SPAG16: variants seen among roughly 807,000 people sequenced by gnomAD.
SPAG16 encodes the protein sperm associated antigen 16, also known as sperm-associated antigen 16 protein.
Under a neutral mutation model 80.4 loss-of-function variants are expected in SPAG16, and 86 were observed. The observed-to-expected ratio is 1.07, with a 90% CI of 0.90 to 1.28. SPAG16 has a LOEUF of 1.28. Among genes scored for constraint, SPAG16 ranks in the 50% most tolerant of loss-of-function variants. SPAG16 has a pLI of 0.00. For missense variants in SPAG16, 870 were observed against 765.3 expected (o/e 1.14, Z -1.61); for synonymous variants, 294 against 265.9 (o/e 1.11, Z -1.03).
intron 12 of SPAG16, among the ~76,000 whole-genome samples, chr2:213,940,474 T>C (rs191279359): frequency 6.6e-6 from 1 of 152,136 alleles, no homozygotes; most frequent in East Asian, 1.9e-4. Context: ...ATTTTTATTT[T>C]TTAGGAATAG....
At chr2:214,354,980 AT>A (rs557706849) in intron 15 of SPAG16, among the ~76,000 whole-genome samples, 83 of 152,224 alleles carry the variant, frequency 5.5e-4, no homozygotes, top group African/African-American at 1.8e-3. Flanking sequence ...TCCTAATTGA[AT>A]ACCCTTTATT....
chr2:213,808,397 G>A (rs2071906282), intron 10 of SPAG16, among the ~76,000 whole-genome samples: 2 of 152,084 alleles, frequency 1.3e-5, no homozygotes, highest in African/African-American at 2.4e-5. Flanking sequence ...CCTTAAAGAG[G>A]AAAGAATGGT....
chr2:213,403,113 C>T (rs1483715930), intron 9 of SPAG16, among the ~76,000 whole-genome samples: 14 of 152,016 alleles, frequency 9.2e-5, no homozygotes, highest in East Asian at 3.9e-4. Context: ...TTTTAATGAT[C>T]GCCATTCTAA....
chr2:213,801,217 G>A (rs1428317303), intron 10 of SPAG16, among the ~76,000 whole-genome samples: 1 of 152,200 alleles, frequency 6.6e-6, no homozygotes, highest in Non-Finnish European at 1.5e-5. Flanking sequence ...AAGGAGCTTT[G>A]CGTGTGTGTG....
intron 7 of SPAG16, among the ~76,000 whole-genome samples, chr2:213,351,435 T>C (rs77996664): frequency 0.039 from 5,952 of 152,212 alleles, 382 homozygotes; most frequent in African/African-American, 0.13. Context: ...GACTCAAGTT[T>C]TTGGTTATTT....
intron 12 of SPAG16, among the ~76,000 whole-genome samples, chr2:213,941,019 G>A (rs895505902): frequency 6.6e-6 from 1 of 151,996 alleles, no homozygotes; most frequent in African/African-American, 2.4e-5. Context: ...GAAAATGATT[G>A]TTCACCTTCT....
intron 10 of SPAG16, among the ~76,000 whole-genome samples, chr2:213,694,173 A>G (rs1200632729): frequency 1.3e-5 from 2 of 152,320 alleles, no homozygotes; most frequent in Admixed American, 6.5e-5. Context: ...GAGGTAAGAG[A>G]AGGAGGAGGG....
intron 10 of SPAG16, among the ~76,000 whole-genome samples, chr2:213,853,473 A>G (rs1404134888): frequency 6.6e-6 from 1 of 152,176 alleles, no homozygotes; most frequent in African/African-American, 2.4e-5. Context: ...CCAGAACATA[A>G]TATTTTATGT....
At chr2:213,902,198 A>G (rs2077246719) in intron 11 of SPAG16, among the ~76,000 whole-genome samples, 1 of 152,234 alleles carries the variant, frequency 6.6e-6, no homozygotes, top group Non-Finnish European at 1.5e-5. Context: ...TGGATATACC[A>G]AAGAATAAAG....
chr2:213,856,534 G>A (rs2075175886), intron 10 of SPAG16, among the ~76,000 whole-genome samples: 1 of 152,182 alleles, frequency 6.6e-6, no homozygotes, highest in Non-Finnish European at 1.5e-5. Context: ...CCATGAGGAA[G>A]CCACCCTACA....
chr2:213,470,374 C>T (rs1017379229), intron 9 of SPAG16, among the ~76,000 whole-genome samples: 1 of 152,144 alleles, frequency 6.6e-6, no homozygotes, highest in African/African-American at 2.4e-5. Flanking sequence ...ATGGATAAGG[C>T]ATTCTGTGAG....
chr2:213,519,682 A>G (rs572634580), intron 10 of SPAG16, among the ~76,000 whole-genome samples: 1 of 152,314 alleles, frequency 6.6e-6, no homozygotes, highest in South Asian at 2.1e-4. Flanking sequence ...ATTATGCCTA[A>G]GAATGTTAAC....
chr2:213,313,744 G>C (rs1358475042), intron 4 of SPAG16, among the ~76,000 whole-genome samples: 4 of 151,740 alleles, frequency 2.6e-5, no homozygotes, highest in Non-Finnish European at 1.5e-5. Flanking sequence ...AGGAATCTTG[G>C]GGCCAGTAAT....
intron 15 of SPAG16, among the ~76,000 whole-genome samples, chr2:214,299,507 A>G (rs1368626560): frequency 6.6e-6 from 1 of 152,000 alleles, no homozygotes; most frequent in Non-Finnish European, 1.5e-5. Context: ...TTCAGCCTCA[A>G]AAGTGCTGGG....
chr2:213,631,250 AAAACAAAC>A (rs560977795), intron 10 of SPAG16, among the ~76,000 whole-genome samples: 1 of 152,164 alleles, frequency 6.6e-6, no homozygotes, highest in African/African-American at 2.4e-5. Flanking sequence ...AATTCATTTC[AAAACAAAC>A]AAACAAACAA....
chr2:214,321,232 T>G (rs976321517), intron 15 of SPAG16, among the ~76,000 whole-genome samples: 1 of 152,196 alleles, frequency 6.6e-6, no homozygotes, highest in African/African-American at 2.4e-5. Context: ...CATATAGAGT[T>G]TAATAAAGCA....
chr2:213,287,280 A>C (rs572885452), intron 1 of SPAG16, among the ~76,000 whole-genome samples: 1 of 152,344 alleles, frequency 6.6e-6, no homozygotes, highest in South Asian at 2.1e-4. Flanking sequence ...TTTGTGAATG[A>C]ATGAATCCCT....
At chr2:213,385,476 A>G (rs1283905229) in intron 9 of SPAG16, among the ~76,000 whole-genome samples, 3 of 152,204 alleles carry the variant, frequency 2.0e-5, no homozygotes, top group Non-Finnish European at 1.5e-5. Flanking sequence ...ACCCATAGGT[A>G]CATGTTGGCT....
At chr2:213,419,517 G>A (rs1269123900) in intron 9 of SPAG16, among the ~76,000 whole-genome samples, 3 of 152,058 alleles carry the variant, frequency 2.0e-5, no homozygotes, top group Non-Finnish European at 4.4e-5. Context: ...TAGTACTCGT[G>A]TAGCACTTAA....
Sources: allele counts gnomAD v4.1 joint callset (sites outside exome capture counted in the v4.1 genomes callset), GRCh38; gene constraint gnomAD v4.1.1; transcripts MANE v1.5; gene names NCBI Gene and HGNC (gene_info 2026-07-23, HGNC 2026-07-21).